Variants in AGMO observed in about 807,000 individuals in gnomAD.
AGMO encodes the protein glyceryl-ether monooxygenase.
Under a neutral mutation model 60.2 loss-of-function variants are expected in AGMO, and 75 were observed. That is an observed-to-expected ratio of 1.25 (90% confidence interval 1.03 to 1.51). The LOEUF (loss-of-function observed/expected upper bound fraction) is 1.51. Ranked by LOEUF, AGMO falls within the 40% of genes most tolerant of loss-of-function variation. AGMO has a pLI of 0.00. For missense variants in AGMO, 763 were observed against 525.5 expected (o/e 1.45, Z -4.42); for synonymous variants, 261 against 177.1 (o/e 1.47, Z -3.76).
chr7:15,304,837 T>C (rs574890673), intron 12 of AGMO, among the ~76,000 whole-genome samples: 1 of 152,152 alleles, frequency 6.6e-6, no homozygotes, highest in South Asian at 2.1e-4. Flanking sequence ...CATGAAAATC[T>C]GAGGCATTAT....
chr7:15,496,901 G>T (rs1382030541), intron 3 of AGMO, among the ~76,000 whole-genome samples: 2 of 152,052 alleles, frequency 1.3e-5, no homozygotes, highest in Non-Finnish European at 2.9e-5. Flanking sequence ...AACCTCTGAG[G>T]TACTTTAGCA....
intron 12 of AGMO, among the ~76,000 whole-genome samples, chr7:15,307,883 C>T (rs1286123027): frequency 6.6e-6 from 1 of 152,064 alleles, no homozygotes; most frequent in Non-Finnish European, 1.5e-5. Flanking sequence ...CATATCCCAC[C>T]TCTGAGCAAT....
At chr7:15,256,529 T>C (rs531664410) in intron 12 of AGMO, among the ~76,000 whole-genome samples, 1 of 151,880 alleles carries the variant, frequency 6.6e-6, no homozygotes, top group African/African-American at 2.4e-5. Flanking sequence ...GTGTAATTTT[T>C]TGTGTGTGTA....
In AGMO at chr7:15,372,755, T is replaced by A. The variant is rs187018205; in HGVS notation, c.1075-6533A>T. ...TTATAACAGGGAGGATTTTATTTTT[T>A]CATTTAATTTACTCCCATTTCAAAT... On this transcript the variant is annotated intron_variant, in intron 10 of 12. Transcript: ENST00000342526. Among the ~76,000 whole-genome samples, 44 of 152,346 alleles carry A rather than the reference T, an allele frequency of 2.9e-4. 1 individual carries two copies. Among genetic ancestry groups the A allele is most frequent in the Non-Finnish European group, 1.5e-5 (1 of 68,028 alleles).
chr7:15,467,820 T>C (rs1043298230), intron 3 of AGMO, among the ~76,000 whole-genome samples: 4 of 152,130 alleles, frequency 2.6e-5, no homozygotes, highest in African/African-American at 9.7e-5. Context: ...AAGATTAAGA[T>C]ATTTAAACCC....
In AGMO at chr7:15,321,223, C is replaced by T. The variant is rs370372373; in HGVS notation, c.1263+44291G>A. On this transcript the variant is annotated intron_variant, in intron 12 of 12. Transcript: ENST00000342526. The stretch of plus-strand genomic sequence containing the variant: ...ACAATTTAGGGTGAACATTCATACA[C>T]TTTTCTGCTATATACACATACATAC... 1.2e-4 allele frequency among the ~76,000 whole-genome samples: 19 copies of T among 152,218 alleles called. No individual in the cohort carries two copies. The South Asian group carries it at 2.9e-3, about 23-fold the overall frequency.
intron 12 of AGMO, among the ~76,000 whole-genome samples, chr7:15,319,182 T>C (rs1326264747): frequency 6.6e-6 from 1 of 152,068 alleles, no homozygotes; most frequent in Non-Finnish European, 1.5e-5. Flanking sequence ...TGGCAACCAA[T>C]CCCTGCAAAA....
intron 12 of AGMO, among the ~76,000 whole-genome samples, chr7:15,351,199 G>T (rs1782231924): frequency 6.6e-6 from 1 of 152,040 alleles, no homozygotes; most frequent in Non-Finnish European, 1.5e-5. Flanking sequence ...CTGCATAATG[G>T]GAAAGGGTCC....
chr7:15,239,712 T>C (rs1245215367), intron 12 of AGMO, among the ~76,000 whole-genome samples: 3 of 152,276 alleles, frequency 2.0e-5, no homozygotes, highest in South Asian at 4.1e-4. Flanking sequence ...CGTTTTACAA[T>C]TTCATTTGCT....
chr7:15,188,479 T>C, the AGMO span, among the ~76,000 whole-genome samples: 1 of 152,210 alleles, frequency 6.6e-6, no homozygotes, highest in Non-Finnish European at 1.5e-5. Context: ...AACATAAGTA[T>C]ACTGTCAATA....
intron 12 of AGMO, among the ~76,000 whole-genome samples, chr7:15,217,212 G>C (rs1781766813): frequency 1.3e-5 from 2 of 151,990 alleles, no homozygotes; most frequent in Non-Finnish European, 2.9e-5. Context: ...GAAATTGTTG[G>C]GGCCCCCAAA....
At chr7:15,498,286 A>G (rs1783288188) in intron 3 of AGMO, among the ~76,000 whole-genome samples, 1 of 151,976 alleles carries the variant, frequency 6.6e-6, no homozygotes, top group Non-Finnish European at 1.5e-5. Flanking sequence ...AGTAGTGATA[A>G]TTTATTTTGT....
chr7:15,321,486 TATG>T (rs1182717278), intron 12 of AGMO, among the ~76,000 whole-genome samples: 3 of 152,102 alleles, frequency 2.0e-5, no homozygotes, highest in Admixed American at 6.6e-5. Context: ...AAAATTTACA[TATG>T]ATAAGAATGG....
intron 12 of AGMO, among the ~76,000 whole-genome samples, chr7:15,339,622 T>C (rs1279806112): frequency 2.0e-5 from 3 of 152,172 alleles, no homozygotes; most frequent in Non-Finnish European, 2.9e-5. Flanking sequence ...GCAGTCCCAT[T>C]GAAGAAATTA....
intron 3 of AGMO, among the ~76,000 whole-genome samples, chr7:15,518,055 C>T (rs1783869506): frequency 6.6e-6 from 1 of 152,144 alleles, no homozygotes; most frequent in Admixed American, 6.6e-5. Flanking sequence ...CCAGGAATTT[C>T]GGACTGGGCG....
At chr7:15,260,213 A>G (rs1462483453) in intron 12 of AGMO, among the ~76,000 whole-genome samples, 2 of 119,976 alleles carry the variant, frequency 1.7e-5, no homozygotes, top group Non-Finnish European at 3.4e-5. Context: ...CAGAGCGAGG[A>G]AAAAAAAAAA....
chr7:15,209,356 A>G (rs1373327181), intron 12 of AGMO, among the ~76,000 whole-genome samples: 6 of 150,354 alleles, frequency 4.0e-5, no homozygotes, highest in Non-Finnish European at 7.4e-5. Flanking sequence ...GACTTTCTCT[A>G]CCATGTAGGA....
At chr7:15,322,727 T>TATATAA (rs35047007) in intron 12 of AGMO, among the ~76,000 whole-genome samples, 2,703 of 78,580 alleles carry the variant, frequency 0.034, 21 homozygotes, top group South Asian at 0.11. Flanking sequence ...TATATAAATA[T>TATATAA]ATATATAAAT....
chr7:15,554,428 G>C (rs1209988126), intron 2 of AGMO, among the ~76,000 whole-genome samples: 1 of 151,906 alleles, frequency 6.6e-6, no homozygotes, highest in Non-Finnish European at 1.5e-5. Flanking sequence ...CCAGGAAAGT[G>C]ATCTAAATGT....
Sources: allele counts gnomAD v4.1 joint callset (sites outside exome capture counted in the v4.1 genomes callset), GRCh38; gene constraint gnomAD v4.1.1; transcripts MANE v1.5; gene names NCBI Gene and HGNC (gene_info 2026-07-23, HGNC 2026-07-21).